Variants in AK2 observed in about 807,000 individuals in gnomAD.
The protein encoded by AK2 is adenylate kinase 2, mitochondrial.
A neutral mutation model predicts 24.6 loss-of-function variants in AK2; 15 were observed. The observed-to-expected ratio is 0.61, with a 90% CI of 0.41 to 0.94. The LOEUF is 0.94. Ranked by LOEUF, AK2 falls within the 40% of genes least tolerant of loss-of-function variation. AK2 has a pLI of 0.00. For missense variants in AK2, 257 were observed against 304.1 expected (o/e 0.85, Z 1.15); for synonymous variants, 102 against 114.0 (o/e 0.90, Z 0.67).
intron 4 of AK2, among the ~76,000 whole-genome samples, chr1:33,020,837 T>A (rs1199849052): frequency 3.2e-5 from 4 of 126,932 alleles, no homozygotes; most frequent in African/African-American, 1.3e-4. Context: ...AGAGTAAGAC[T>A]CTGTCTCAAA....
chr1:33,010,941 G>T lies in AK2; in HGVS notation c.*2240C>A, dbSNP rs1638785367. ...CAGCAACCAAATGCATTAAACACTG[G>T]ACATTTCTGTGACAGGTAAAAGCAG... On this transcript the variant is annotated 3_prime_UTR_variant, in exon 6 of 6. Coordinates refer to ENST00000672715, the MANE Select transcript of AK2 (RefSeq NM_001625.4). 6.3e-7 allele frequency: 1 copy of T among 1,576,892 alleles called. No individual in the cohort carries two copies.
Position 33,036,724 on chromosome 1 carries a change from C to G in AK2, c.93+12G>C. On this transcript the variant is annotated intron_variant, in intron 1 of 5. Coordinates refer to ENST00000672715, the MANE Select transcript of AK2 (RefSeq NM_001625.4). ...AGCAGGCTCCGCCGCCAAGCCCAGT[C>G]CTGCCGCTCACCTGGGTCCCTTTAC... 1 of 1,572,706 alleles carries G rather than the reference C, an allele frequency of 6.4e-7. No individual in the cohort carries two copies.
intron 1 of AK2, among the ~76,000 whole-genome samples, chr1:33,036,472 T>C (rs1052444696): frequency 6.6e-6 from 1 of 152,120 alleles, no homozygotes; most frequent in South Asian, 2.1e-4. Flanking sequence ...TCTAGACCCT[T>C]AGTGGAATTA....
Position 33,010,369 on chromosome 1 carries a change from T to C in AK2, c.*2812A>G, listed in dbSNP as rs1638735967. 4.3e-6 allele frequency: 2 copies of C among 469,416 alleles called. No homozygotes were observed. Among genetic ancestry groups the C allele is most frequent in the South Asian group, 1.5e-5 (1 of 64,634 alleles). The allele number at this position is 469,416 out of a possible 1,614,324, so 29.1% of individuals were successfully genotyped here. On this transcript the variant is annotated 3_prime_UTR_variant, in exon 6 of 6. Transcript: ENST00000672715. Reference sequence around the variant, plus strand: ...GATGGTTTTTTGATCTTACAGTGTGTGGAACCGGAGTCAGTAATCAAAGCT... The same window carrying C: ...GATGGTTTTTTGATCTTACAGTGTGCGGAACCGGAGTCAGTAATCAAAGCT...
rs183249346 is a variant in AK2, at chr1:33,012,769, C to T, written c.*412G>A. 4.2e-6 allele frequency: 4 copies of T among 948,232 alleles called. No homozygotes were observed. Among genetic ancestry groups the T allele is most frequent in the Non-Finnish European group, 5.9e-6 (4 of 679,356 alleles). The allele number at this position is 948,232 out of a possible 1,614,324, so 58.7% of individuals were successfully genotyped here. On this transcript the variant is annotated 3_prime_UTR_variant, in exon 6 of 6. Coordinates refer to ENST00000672715, the MANE Select transcript of AK2 (RefSeq NM_001625.4). ...AATATCAGCCAGGTGTTGTGGCATG[C>T]ACCTGTAGTCCCAGCTGCTCAGGAG... is the stretch of plus-strand genomic sequence containing the variant.
At chr1:33,027,747 CAAAAAAAAA>C (rs1157782051) in intron 1 of AK2, among the ~76,000 whole-genome samples, 58 of 62,120 alleles carry the variant, frequency 9.3e-4, no homozygotes, top group Non-Finnish European at 1.5e-3. Flanking sequence ...ACTCTTGTCT[CAAAAAAAAA>C]AAAAAAAAGA....
chr1:33,015,084 G>A (rs1213112894), intron 4 of AK2, among the ~76,000 whole-genome samples: 1 of 152,170 alleles, frequency 6.6e-6, no homozygotes, highest in Non-Finnish European at 1.5e-5. Context: ...TGCTATGGGG[G>A]ACAGAGGACA....
At chr1:33,026,664 C>A (rs1376634854) in intron 1 of AK2, among the ~76,000 whole-genome samples, 1 of 151,190 alleles carries the variant, frequency 6.6e-6, no homozygotes, top group Non-Finnish European at 1.5e-5. Flanking sequence ...AAAAATTAGC[C>A]GGGCATGGTG....
intron 2 of AK2, 133 bp downstream of exon 2, chr1:33,024,309 T>G: frequency 6.5e-6 from 8 of 1,230,336 alleles, no homozygotes; most frequent in East Asian, 2.5e-5. Context: ...ATATGGCTAG[T>G]GCAACTGAGG....
intron 1 of AK2, among the ~76,000 whole-genome samples, chr1:33,035,965 T>C (rs1256270181): frequency 1.3e-5 from 2 of 150,922 alleles, no homozygotes; most frequent in African/African-American, 4.9e-5. Flanking sequence ...ACAAAAATAA[T>C]AAAAACAAAA....
At chr1:33,031,789 T>C (rs1215365520) in intron 1 of AK2, 4 of 417,470 alleles carry the variant, frequency 9.6e-6, no homozygotes, top group African/African-American at 8.2e-5. Context: ...GGCATAAGTT[T>C]GACACATGGA....
In AK2 at chr1:33,008,057, T is replaced by C; in HGVS notation, c.*5124A>G. 2.2e-6 allele frequency: 1 copy of C among 454,160 alleles called. No homozygotes were observed. The highest frequency in any genetic ancestry group is 4.4e-6 in the Non-Finnish European group (1 of 226,798). The allele number at this position is 454,160 out of a possible 1,614,324, so 28.1% of individuals were successfully genotyped here. Reference sequence around the variant, plus strand: ...AACACATAAAGAATTCTGCATATAATTTCAGAGGTCTATGATTTCTAGGGG... The same window carrying C: ...AACACATAAAGAATTCTGCATATAACTTCAGAGGTCTATGATTTCTAGGGG... On this transcript the variant is annotated 3_prime_UTR_variant, in exon 6 of 6. Transcript: ENST00000672715.
intron 1 of AK2, among the ~76,000 whole-genome samples, chr1:33,028,839 C>T (rs948098698): frequency 6.6e-5 from 10 of 152,244 alleles, no homozygotes; most frequent in South Asian, 2.1e-4. Flanking sequence ...TTCCTAGGCC[C>T]ACCTTTAAAG....
At position 33,012,236 on chromosome 1, in the gene AK2, T is replaced by C. The variant is rs767718927; in HGVS notation, c.*945A>G. 3 of 1,534,618 alleles carry C rather than the reference T, an allele frequency of 2.0e-6. No homozygotes were observed. The highest frequency in any genetic ancestry group is 2.4e-5 in the South Asian group (2 of 84,016). ...CAAATAATTGCTATTTTCAGCATCA[T>C]GATGCAGATCACAAAAATATTCCAA... On this transcript the variant is annotated 3_prime_UTR_variant, in exon 6 of 6. Coordinates refer to ENST00000672715, the MANE Select transcript of AK2 (RefSeq NM_001625.4).
At chr1:33,033,446 T>C (rs1222761038) in intron 1 of AK2, among the ~76,000 whole-genome samples, 2 of 152,158 alleles carry the variant, frequency 1.3e-5, no homozygotes, top group East Asian at 1.9e-4. Flanking sequence ...GAGGCTGCCG[T>C]GAGCTATGAT....
At position 33,010,900 on chromosome 1, in the gene AK2, G is replaced by T; in HGVS notation, c.*2281C>A. On this transcript the variant is annotated 3_prime_UTR_variant, in exon 6 of 6. Transcript: ENST00000672715. ...AAAAACCAAGTACATATCAGAGGAG[G>T]CTGGCATGTAAGCCCCAGCAACCAA... 6.2e-7 allele frequency: 1 copy of T among 1,609,982 alleles called. No homozygotes were observed. The highest frequency in any genetic ancestry group is 8.5e-7 in the Non-Finnish European group (1 of 1,178,114).
chr1:33,009,219 C>G lies in AK2; in HGVS notation c.*3962G>C. 2.2e-6 allele frequency: 1 copy of G among 453,824 alleles called. No homozygotes were observed. The highest frequency in any genetic ancestry group is 1.6e-5 in the South Asian group (1 of 64,460). 28.1% of individuals were successfully genotyped at this position (453,824 alleles called of 1,614,324 possible). On this transcript the variant is annotated 3_prime_UTR_variant, in exon 6 of 6. Coordinates refer to ENST00000672715, the MANE Select transcript of AK2 (RefSeq NM_001625.4). Reference sequence around the variant, plus strand: ...GCCCAGCTCCCTCTTGTTTTGGGAACAACAGTCATTTCTCAGAAACCTCAC... The same window carrying G: ...GCCCAGCTCCCTCTTGTTTTGGGAAGAACAGTCATTTCTCAGAAACCTCAC...
rs1026304549 is a variant in AK2 at position 33,011,325 on chromosome 1, C to T, written c.*1856G>A. On this transcript the variant is annotated 3_prime_UTR_variant, in exon 6 of 6. Coordinates refer to ENST00000672715, the MANE Select transcript of AK2 (RefSeq NM_001625.4). ...GTTTTTGTTTCACTCCTCTTCCTTG[C>T]CCATTCCCAGAAGTCATGTGCTTCC... 40 of 1,288,724 alleles carry T rather than the reference C, an allele frequency of 3.1e-5. No individual in the cohort carries two copies. The highest frequency in any genetic ancestry group is 3.9e-5 in the Non-Finnish European group (39 of 989,776). The allele number at this position is 1,288,724 out of a possible 1,614,324, so 79.8% of individuals were successfully genotyped here. A position where few individuals can be genotyped will look rare whatever the true frequency, so the allele number is the denominator to read the frequency against.
At chr1:33,023,925 C>A (rs544879187) in intron 2 of AK2, among the ~76,000 whole-genome samples, 9 of 152,336 alleles carry the variant, frequency 5.9e-5, no homozygotes, top group Middle Eastern at 3.4e-3. Context: ...AATCCCAGCA[C>A]TTTGGGAGGC....
Sources: gnomAD v4.1 joint callset for allele counts (sites outside exome capture counted in the v4.1 genomes callset) on GRCh38, gnomAD v4.1.1 for gene constraint, MANE v1.5 for transcripts, NCBI Gene and HGNC (gene_info 2026-07-23, HGNC 2026-07-21) for gene names.